KLF17: variants seen among roughly 807,000 people sequenced by gnomAD.
KLF17 encodes the protein Krueppel-like factor 17.
Under a neutral mutation model 34.2 loss-of-function variants are expected in KLF17, and 31 were observed. The observed-to-expected ratio is 0.91, with a 90% CI of 0.68 to 1.22. The LOEUF is 1.22. Among genes scored for constraint, KLF17 ranks in the 50% most tolerant of loss-of-function variants. The pLI is 0.00. For synonymous variants in KLF17, 179 were observed against 186.7 expected (o/e 0.96, Z 0.34); for missense variants, 478 against 505.2 (o/e 0.95, Z 0.52).
intron 1 of KLF17, among the ~76,000 whole-genome samples, chr1:44,123,833 G>C (rs899577041): frequency 6.6e-6 from 1 of 151,388 alleles, no homozygotes; most frequent in Non-Finnish European, 1.5e-5. Flanking sequence ...TTGTTTCAGA[G>C]AGTGCTATTT....
At chr1:44,096,749 T>C in the KLF17 span, among the ~76,000 whole-genome samples, 30 of 152,256 alleles carry the variant, frequency 2.0e-4, no homozygotes, top group Non-Finnish European at 4.0e-4. Context: ...AATAAATTTT[T>C]GTCAGATGGA....
At chr1:44,091,789 G>T in the KLF17 span, among the ~76,000 whole-genome samples, 1 of 151,018 alleles carries the variant, frequency 6.6e-6, no homozygotes, top group East Asian at 1.9e-4. Context: ...GACCTTAACG[G>T]TTCTTGAATC....
the KLF17 span, among the ~76,000 whole-genome samples, chr1:44,092,957 AAATT>A: frequency 6.6e-5 from 10 of 152,236 alleles, no homozygotes; most frequent in African/African-American, 2.2e-4. Context: ...CTGAAGGAAT[AAATT>A]AAGAGTTCAC....
the KLF17 span, among the ~76,000 whole-genome samples, chr1:44,056,690 G>A: frequency 1.5e-4 from 23 of 152,210 alleles, no homozygotes; most frequent in Admixed American, 1.2e-3. Flanking sequence ...ATAGTCCCAG[G>A]CCAGTGGCTT....
chr1:44,127,692 T>TTCTTTCTTTCTCTTTCTTTCTTTCTTTC (rs753421834), intron 1 of KLF17, among the ~76,000 whole-genome samples: 2 of 90,172 alleles, frequency 2.2e-5, no homozygotes, highest in South Asian at 9.1e-4. Context: ...CTTTCTTTCT[T>TTCTTTCTTTCTCTTTCTTTCTTTCTTTC]TTTCTTTCTT....
At chr1:44,113,167 G>C in the KLF17 span, among the ~76,000 whole-genome samples, 1 of 152,240 alleles carries the variant, frequency 6.6e-6, no homozygotes, top group African/African-American at 2.4e-5. Flanking sequence ...TTGGGAGGCT[G>C]AAGTGGGAGG....
intron 1 of KLF17, among the ~76,000 whole-genome samples, chr1:44,128,411 A>G (rs2088053782): frequency 6.6e-6 from 1 of 151,972 alleles, no homozygotes; most frequent in African/African-American, 2.4e-5. Flanking sequence ...TCTACCACCA[A>G]TCTCTTTCTT....
chr1:44,099,869 G>T, the KLF17 span, among the ~76,000 whole-genome samples: 1 of 51,420 alleles, frequency 1.9e-5, no homozygotes, highest in African/African-American at 6.0e-5. Context: ...AAGAAAGAAA[G>T]AAAGAAAGAA....
the KLF17 span, among the ~76,000 whole-genome samples, chr1:44,098,880 G>A: frequency 7.4e-5 from 11 of 149,524 alleles, no homozygotes; most frequent in Middle Eastern, 0.028. Flanking sequence ...ACAGATTTTA[G>A]GTCTTACTCA....
chr1:44,099,817 A>G, the KLF17 span, among the ~76,000 whole-genome samples: 2 of 137,970 alleles, frequency 1.4e-5, no homozygotes, highest in Non-Finnish European at 3.1e-5. Flanking sequence ...TCTGTCTCAG[A>G]AAGAAAAAGA....
intron 1 of KLF17, among the ~76,000 whole-genome samples, chr1:44,128,068 C>T (rs549968525): frequency 3.2e-4 from 49 of 152,152 alleles, no homozygotes; most frequent in African/African-American, 1.2e-3. Context: ...TCTATTGCTA[C>T]AGTAATGGAC....
the KLF17 span, among the ~76,000 whole-genome samples, chr1:44,111,170 C>T: frequency 6.7e-5 from 10 of 148,720 alleles, no homozygotes; most frequent in Non-Finnish European, 1.5e-4. Flanking sequence ...TTCTTTAATG[C>T]TTTGTAGAGA....
chr1:44,060,424 C>A, the KLF17 span, among the ~76,000 whole-genome samples: 1 of 152,056 alleles, frequency 6.6e-6, no homozygotes, highest in African/African-American at 2.4e-5. Flanking sequence ...GCTGAGATCA[C>A]GCCATTGCAC....
chr1:44,105,146 G>C, the KLF17 span: 1 of 152,208 alleles, frequency 6.6e-6, no homozygotes, highest in Non-Finnish European at 1.5e-5. Flanking sequence ...ATATTGTTGA[G>C]AGATGTGTAT....
intron 1 of KLF17, chr1:44,122,328 C>G: frequency 6.2e-7 from 1 of 1,601,808 alleles, no homozygotes; most frequent in South Asian, 1.1e-5. Flanking sequence ...AATGTTATTT[C>G]CTCGAATACT....
At position 44,134,690 on chromosome 1, in the gene KLF17, G is replaced by C. The variant is rs1320989927; in HGVS notation, c.*1453G>C. On this transcript the variant is annotated 3_prime_UTR_variant, in exon 4 of 4. Coordinates refer to ENST00000372299, the MANE Select transcript of KLF17 (RefSeq NM_173484.4). Reference sequence around the variant, plus strand: ...TCAAGATGGAGAGATAAGGTTAAGTGTTTTCTTTGGCTGCAACATGGAGAT... The same window carrying C: ...TCAAGATGGAGAGATAAGGTTAAGTCTTTTCTTTGGCTGCAACATGGAGAT... The C allele has an allele frequency of 2.0e-5, 3 of 152,258 alleles. No homozygotes were observed. In the East Asian group the frequency reaches 5.8e-4, roughly 29 times the overall value. 9.4% of individuals were successfully genotyped at this position (152,258 alleles called of 1,614,324 possible).
At chr1:44,055,160 A>G in the KLF17 span, among the ~76,000 whole-genome samples, 15 of 152,222 alleles carry the variant, frequency 9.9e-5, no homozygotes, top group African/African-American at 3.6e-4. Flanking sequence ...ACCCAGATCC[A>G]TAATGGCCAA....
At chr1:44,076,416 C>T in the KLF17 span, 8 of 152,302 alleles carry the variant, frequency 5.3e-5, no homozygotes, top group East Asian at 7.7e-4. Context: ...TCTCTTCCTC[C>T]CTCACCCTCA....
the KLF17 span, among the ~76,000 whole-genome samples, chr1:44,095,824 A>G: frequency 1.2e-3 from 178 of 147,990 alleles, 1 homozygote; most frequent in Non-Finnish European, 8.8e-4. Context: ...TTTTTTTCAT[A>G]TTGTTCAGCT....
Sources: gnomAD v4.1 joint callset for allele counts (sites outside exome capture counted in the v4.1 genomes callset) on GRCh38, gnomAD v4.1.1 for gene constraint, MANE v1.5 for transcripts, NCBI Gene and HGNC (gene_info 2026-07-23, HGNC 2026-07-21) for gene names.